Variants in HERC2 observed in about 807,000 individuals in gnomAD.
The protein encoded by HERC2 is HECT and RLD domain containing E3 ubiquitin protein ligase 2.
A neutral mutation model predicts 537.7 loss-of-function variants in HERC2; 102 were observed. The ratio of observed to expected loss-of-function variants is 0.19; its 90% CI spans 0.16 to 0.22. The LOEUF is 0.22. Among genes scored for constraint, HERC2 ranks in the 10% least tolerant of loss-of-function variants. The probability of loss-of-function intolerance (pLI) is 1.00; values close to 1 mark genes in which losing one functional copy is unlikely to be tolerated. For synonymous variants in HERC2, 2,224 were observed against 2,466.2 expected, an observed-to-expected ratio of 0.90 and a Z score of 2.91; for missense variants, 4,236 against 6,198.2, an observed-to-expected ratio of 0.68 and a Z score of 10.63.
At chr15:28,256,367 T>C (rs1029979813) in intron 17 of HERC2, 50 bp from the exon 18 acceptor site, 1 of 1,211,200 alleles carries the variant, frequency 8.3e-7, no homozygotes, top group African/African-American at 1.5e-5. Flanking sequence ...AATGAGTGAA[T>C]TTCAAAGTCT....
intron 5 of HERC2, among the ~76,000 whole-genome samples, chr15:28,279,749 G>T (rs1279669292): frequency 1.3e-5 from 2 of 151,912 alleles, no homozygotes; most frequent in Admixed American, 1.3e-4. Context: ...GGAGTTCAAG[G>T]TTACAATGAG....
At chr15:28,264,390 C>A (rs2075503018) in intron 14 of HERC2, among the ~76,000 whole-genome samples, 1 of 152,178 alleles carries the variant, frequency 6.6e-6, no homozygotes, top group South Asian at 2.1e-4. Context: ...ATGAAAGCGG[C>A]ACAGCAGACC....
At chr15:28,246,647 G>C in intron 22 of HERC2, 95 bp downstream of exon 22, 1 of 1,089,510 alleles carries the variant, frequency 9.2e-7, no homozygotes, top group Non-Finnish European at 1.3e-6. Flanking sequence ...AAAATTTAGA[G>C]AGTAAATGCA....
Position 28,149,206 on chromosome 15 carries a change from C to T in HERC2, c.10901-2862G>A, listed in dbSNP as rs569203380. ...CGAACGCACATTCTAGAAAAATTAC[C>T]GAAAAATACACGCAGCTCCTAACTG... On this transcript the variant is annotated intron_variant, in intron 70 of 92. Coordinates refer to ENST00000261609, the MANE Select transcript of HERC2 (RefSeq NM_004667.6). 2.0e-5 allele frequency among the ~76,000 whole-genome samples: 3 copies of T among 151,638 alleles called. No homozygotes were observed. In the South Asian group the frequency reaches 6.3e-4, roughly 32 times the overall value.
At chr15:28,267,696 C>T (rs915408276) in intron 12 of HERC2, among the ~76,000 whole-genome samples, 1 of 152,260 alleles carries the variant, frequency 6.6e-6, no homozygotes, top group Non-Finnish European at 1.5e-5. Flanking sequence ...ATCTTCCCAG[C>T]GGATGCTGTC....
intron 69 of HERC2, among the ~76,000 whole-genome samples, chr15:28,161,070 T>C (rs1176157542): frequency 1.3e-5 from 2 of 152,230 alleles, no homozygotes; most frequent in Non-Finnish European, 1.5e-5. Flanking sequence ...TCTTCATGAA[T>C]AGCAGATGAA....
At chr15:28,194,263 C>G (rs995501556) in intron 52 of HERC2, among the ~76,000 whole-genome samples, 1 of 144,376 alleles carries the variant, frequency 6.9e-6, no homozygotes, top group African/African-American at 2.5e-5. Flanking sequence ...GACGGGGTTT[C>G]ACCGTGTTAG....
chr15:28,261,601 A>T (rs1441714143), intron 15 of HERC2, among the ~76,000 whole-genome samples: 1 of 152,222 alleles, frequency 6.6e-6, no homozygotes, highest in Non-Finnish European at 1.5e-5. Flanking sequence ...GTTTCTCAAC[A>T]GTAATTTAAA....
At chr15:28,259,809 A>G (rs1283900050) in intron 16 of HERC2, among the ~76,000 whole-genome samples, 1 of 151,354 alleles carries the variant, frequency 6.6e-6, no homozygotes, top group Non-Finnish European at 1.5e-5. Context: ...AAAAAAAAAA[A>G]ATACAAAAAT....
intron 37 of HERC2, among the ~76,000 whole-genome samples, chr15:28,219,318 G>A (rs745603511): frequency 3.9e-5 from 6 of 152,218 alleles, no homozygotes; most frequent in African/African-American, 1.2e-4. Flanking sequence ...ACCCTCTGCC[G>A]TGGGGCCACC....
chr15:28,169,850 T>C (rs1894516602), intron 65 of HERC2, among the ~76,000 whole-genome samples, 195 bp from the exon 66 acceptor site: 1 of 152,234 alleles, frequency 6.6e-6, no homozygotes, highest in Admixed American at 6.5e-5. Context: ...AAGAAGCTAT[T>C]TTCAGCATAG....
Position 28,131,514 on chromosome 15 carries a change from G to A in HERC2, c.12570+586C>T, listed in dbSNP as rs945090665. Among the ~76,000 whole-genome samples the A allele has an allele frequency of 4.6e-5, 7 of 152,320 alleles. No homozygotes were observed. In the East Asian group the frequency reaches 9.6e-4, roughly 21 times the overall value. On this transcript the variant is annotated intron_variant, in intron 81 of 92. Coordinates refer to ENST00000261609, the MANE Select transcript of HERC2 (RefSeq NM_004667.6). ...GAAGCATGTGCAGGACCTGAACCAC[G>A]TACCAGCCACCCATTCACAAGAGCA...
chr15:28,214,570 A>C, intron 40 of HERC2, 85 bp downstream of exon 40: 1 of 1,499,328 alleles, frequency 6.7e-7, no homozygotes, highest in Non-Finnish European at 9.3e-7. Context: ...TCACCAGGGC[A>C]CAGGGAAGGG....
chr15:28,250,853 A>G (rs1212424035), intron 20 of HERC2, among the ~76,000 whole-genome samples: 1 of 152,230 alleles, frequency 6.6e-6, no homozygotes, highest in East Asian at 1.9e-4. Flanking sequence ...CAGCCTGGAT[A>G]TCGGCTACTG....
In HERC2 at chr15:28,285,803, CAA is replaced by C. The variant is rs3079904; in HGVS notation, c.323-5518_323-5517del. 4.4e-3 allele frequency among the ~76,000 whole-genome samples: 316 copies of C among 72,328 alleles called. 1 individual carries two copies. The Middle Eastern group carries it at 0.082, about 19-fold the overall frequency. The allele number at this position is 72,328 out of a possible 152,430, so 47.4% of individuals were successfully genotyped here. On this transcript the variant is annotated intron_variant, in intron 4 of 92. Coordinates refer to ENST00000261609, the MANE Select transcript of HERC2 (RefSeq NM_004667.6). ...GACAAACCTCTCTAAGCATGACTGA[CAA>C]AAAAAAAAAAAAAAGACATAAATTA...
At chr15:28,273,391 A>G (rs539950607) in intron 7 of HERC2, among the ~76,000 whole-genome samples, 239 of 152,360 alleles carry the variant, frequency 1.6e-3, no homozygotes, top group African/African-American at 5.4e-3. Flanking sequence ...ACCAATTTCT[A>G]AAACCACCTT....
At chr15:28,127,467 G>A (rs1402401424) in intron 83 of HERC2, among the ~76,000 whole-genome samples, 1 of 152,252 alleles carries the variant, frequency 6.6e-6, no homozygotes, top group Non-Finnish European at 1.5e-5. Context: ...TGGACCTGGG[G>A]ATACTGGTGT....
In HERC2 at chr15:28,215,707, C is replaced by A. The variant is rs202046283; in HGVS notation, c.6124G>T (p.Ala2042Ser). ...GTGATCCACTGCGGGGAGCTGAGGG[C>A]GCCGCATACCTGCGGCGTGAGAGCG... Reference protein sequence around the residue: ...SIALTPQVCGALSSPQWITLL... With the variant: ...SIALTPQVCGSLSSPQWITLL... Residue 2042 changes from alanine to serine, a missense_variant, in exon 39 of 93, where the codon GCC becomes TCC. By Grantham distance (99) the Ala-to-Ser change is moderately conservative. Transcript: ENST00000261609. The A allele has an allele frequency of 1.9e-6, 3 of 1,611,834 alleles. No individual in the cohort carries two copies.
chr15:28,279,942 G>T (rs753201624), intron 5 of HERC2, 126 bp downstream of exon 5: 1 of 734,558 alleles, frequency 1.4e-6, no homozygotes, highest in East Asian at 2.7e-5. Context: ...ATACAAAAAG[G>T]GAAAGCAAGA....
Sources: allele counts gnomAD v4.1 joint callset (sites outside exome capture counted in the v4.1 genomes callset), GRCh38; gene constraint gnomAD v4.1.1; transcripts MANE v1.5; gene names NCBI Gene and HGNC (gene_info 2026-07-23, HGNC 2026-07-21).